The following PLPP1 variants were observed in gnomAD, a reference collection of about 807,000 sequenced individuals.
PLPP1 encodes the protein lipid phosphate phosphohydrolase 1a.
In PLPP1, 24 loss-of-function variants were observed where a neutral mutation model predicts 31.2. That is an observed-to-expected ratio of 0.77 (90% CI 0.56 to 1.08). The LOEUF (loss-of-function observed/expected upper bound fraction) is 1.08. Among genes scored for constraint, PLPP1 ranks in the 50% least tolerant of loss-of-function variants. The probability of loss-of-function intolerance (pLI) is 0.00; values close to 1 mark genes in which losing one functional copy is unlikely to be tolerated. For missense variants in PLPP1, 319 were observed against 342.7 expected, an observed-to-expected ratio of 0.93 and a Z score of 0.55; for synonymous variants, 146 against 126.3, an observed-to-expected ratio of 1.16 and a Z score of -1.05.
intron 1 of PLPP1, among the ~76,000 whole-genome samples, chr5:55,483,881 T>C (rs1752720731): frequency 6.6e-6 from 1 of 152,156 alleles, no homozygotes; most frequent in African/African-American, 2.4e-5. Context: ...ATTTCTGAAT[T>C]AACCTAGAAC....
chr5:55,516,601 C>T (rs998209542), intron 1 of PLPP1, among the ~76,000 whole-genome samples: 4 of 152,182 alleles, frequency 2.6e-5, no homozygotes, highest in African/African-American at 7.2e-5. Flanking sequence ...GATTAAGACA[C>T]AGTCCTTTTC....
At chr5:55,442,335 T>C (rs1751639135) in intron 3 of PLPP1, among the ~76,000 whole-genome samples, 1 of 152,128 alleles carries the variant, frequency 6.6e-6, no homozygotes, top group Admixed American at 6.6e-5. Flanking sequence ...CAGAAGTTGA[T>C]TGCTTTTTTC....
chr5:55,438,920 T>C (rs1244962301), intron 4 of PLPP1, among the ~76,000 whole-genome samples: 1 of 151,646 alleles, frequency 6.6e-6, no homozygotes, highest in Non-Finnish European at 1.5e-5. Flanking sequence ...AAAAAAGTTG[T>C]ACATAAATGT....
intron 1 of PLPP1, among the ~76,000 whole-genome samples, chr5:55,531,297 T>C (rs576608235): frequency 2.3e-4 from 35 of 152,338 alleles, no homozygotes; most frequent in African/African-American, 8.2e-4. Context: ...AACGTGTATA[T>C]AGAGGAAGTC....
chr5:55,497,504 C>T lies in PLPP1; in HGVS notation c.59-22054G>A, dbSNP rs575224853. ...CTGGACTCAAGCAATCCTCCTGCCT[C>T]GGCCTCCCAAAGTGCTGGGATTACA... On this transcript the variant is annotated intron_variant, in intron 1 of 5. Coordinates refer to ENST00000307259, the MANE Select transcript of PLPP1 (RefSeq NM_003711.4). Among the ~76,000 whole-genome samples, 38 of 151,244 alleles carry T rather than the reference C, an allele frequency of 2.5e-4. No homozygotes were observed. The South Asian group carries it at 7.8e-3, about 31-fold the overall frequency.
intron 4 of PLPP1, among the ~76,000 whole-genome samples, chr5:55,435,056 C>A (rs1325486264): frequency 6.6e-6 from 1 of 152,092 alleles, no homozygotes; most frequent in Non-Finnish European, 1.5e-5. Context: ...GGTAGAAAAC[C>A]AAATACTCCC....
intron 4 of PLPP1, among the ~76,000 whole-genome samples, chr5:55,428,482 C>T (rs1751264051): frequency 6.6e-6 from 1 of 152,214 alleles, no homozygotes; most frequent in African/African-American, 2.4e-5. Flanking sequence ...CTTTTCCCCT[C>T]CCACCTTGCC....
chr5:55,491,204 G>C (rs933007036), intron 1 of PLPP1: 2 of 1,377,090 alleles, frequency 1.5e-6, no homozygotes, highest in African/African-American at 1.5e-5. Context: ...GCAAATCCTA[G>C]CCATATTTTG....
chr5:55,520,597 C>T (rs568689095), intron 1 of PLPP1, among the ~76,000 whole-genome samples: 5 of 152,252 alleles, frequency 3.3e-5, no homozygotes, highest in Admixed American at 6.5e-5. Context: ...CATTAGATGA[C>T]GAACTCAAAG....
At chr5:55,511,703 G>A (rs542521885) in intron 1 of PLPP1, among the ~76,000 whole-genome samples, 124 of 114,688 alleles carry the variant, frequency 1.1e-3, no homozygotes, top group East Asian at 2.5e-3. Context: ...TAGCTGTGTC[G>A]CCCAGGCTGG....
intron 2 of PLPP1, among the ~76,000 whole-genome samples, chr5:55,470,955 C>A (rs1226388201): frequency 6.6e-6 from 1 of 152,090 alleles, no homozygotes; most frequent in Non-Finnish European, 1.5e-5. Flanking sequence ...CCTTTTTAAG[C>A]CTATCTCCCA....
intron 1 of PLPP1, among the ~76,000 whole-genome samples, chr5:55,489,152 T>G (rs574159854): frequency 6.6e-6 from 1 of 152,226 alleles, no homozygotes; most frequent in African/African-American, 2.4e-5. Context: ...GAGCCAAGAT[T>G]ACACAATTGC....
In PLPP1 at chr5:55,468,234, G is replaced by T; in HGVS notation, c.211-85C>A. 8 of 1,216,314 alleles carry T rather than the reference G, an allele frequency of 6.6e-6. No homozygotes were observed. In the South Asian group the frequency reaches 1.2e-4, roughly 19 times the overall value. The allele number at this position is 1,216,314 out of a possible 1,614,324, so 75.3% of individuals were successfully genotyped here. The stretch of plus-strand genomic sequence containing the variant: ...AAAACATAGGGGGAAAAAAGGAAAT[G>T]GTAAATCGCAAAAATATCTTTGTTT... On this transcript the variant is annotated intron_variant, in intron 2 of 5. Transcript: ENST00000307259.
At chr5:55,436,410 T>C (rs1388066450) in intron 4 of PLPP1, among the ~76,000 whole-genome samples, 2 of 152,060 alleles carry the variant, frequency 1.3e-5, no homozygotes, top group Admixed American at 1.3e-4. Context: ...CTGCACAAGC[T>C]CTCTCTGCCT....
intron 3 of PLPP1, among the ~76,000 whole-genome samples, chr5:55,457,126 C>T (rs916718803): frequency 6.6e-5 from 10 of 150,526 alleles, no homozygotes; most frequent in African/African-American, 2.2e-4. Flanking sequence ...CACCACTGCA[C>T]TCCAGGCTGG....
intron 3 of PLPP1, among the ~76,000 whole-genome samples, chr5:55,467,348 G>A (rs1488812223): frequency 6.6e-6 from 1 of 151,998 alleles, no homozygotes; most frequent in Non-Finnish European, 1.5e-5. Context: ...TAACAGCACA[G>A]TTCCATAGTT....
At chr5:55,485,823 CATA>C (rs1346696421) in intron 1 of PLPP1, among the ~76,000 whole-genome samples, 13 of 152,164 alleles carry the variant, frequency 8.5e-5, no homozygotes, top group South Asian at 2.1e-4. Context: ...TATGAAATAT[CATA>C]ATATTTCATC....
chr5:55,493,234 G>A (rs1213535909), intron 1 of PLPP1, among the ~76,000 whole-genome samples: 3 of 151,142 alleles, frequency 2.0e-5, no homozygotes, highest in African/African-American at 4.9e-5. Context: ...AGGATCCCTT[G>A]AGCCCAAGAG....
intron 1 of PLPP1, among the ~76,000 whole-genome samples, chr5:55,505,204 A>T (rs575930753): frequency 7.2e-5 from 11 of 152,170 alleles, no homozygotes; most frequent in African/African-American, 2.6e-4. Flanking sequence ...TATTTTCTAT[A>T]CTTCATCTAC....
Sources: allele counts gnomAD v4.1 joint callset (sites outside exome capture counted in the v4.1 genomes callset), GRCh38; gene constraint gnomAD v4.1.1; transcripts MANE v1.5; gene names NCBI Gene and HGNC (gene_info 2026-07-23, HGNC 2026-07-21).